Variants in UBE2U observed in about 807,000 individuals in gnomAD.
UBE2U encodes ubiquitin-conjugating enzyme E2 U.
Under a neutral mutation model 41.2 loss-of-function variants are expected in UBE2U, and 39 were observed. The observed-to-expected ratio is 0.95, with a 90% CI of 0.73 to 1.24. UBE2U has a LOEUF of 1.24. Ranked by LOEUF, UBE2U falls within the 50% of genes most tolerant of loss-of-function variation. The pLI, the probability that UBE2U is intolerant of heterozygous loss-of-function variation, is 0.00. For synonymous variants in UBE2U, 107 were observed against 117.8 expected (o/e 0.91, Z 0.60); for missense variants, 336 against 363.1 (o/e 0.93, Z 0.61).
At chr1:64,210,702 T>G in intron 3 of UBE2U, 40 bp from the exon 4 acceptor site, 1 of 1,251,088 alleles carries the variant, frequency 8.0e-7, no homozygotes, top group Non-Finnish European at 1.1e-6. Flanking sequence ...AAATAATAAT[T>G]TATTATAAAT....
At chr1:64,215,297 A>G (rs1651928231) in intron 5 of UBE2U, among the ~76,000 whole-genome samples, 1 of 152,338 alleles carries the variant, frequency 6.6e-6, no homozygotes, top group African/African-American at 2.4e-5. Flanking sequence ...AAACATTTAT[A>G]GCATAGTGAT....
intron 8 of UBE2U, among the ~76,000 whole-genome samples, chr1:64,247,643 A>G (rs1428367113): frequency 6.6e-6 from 1 of 152,074 alleles, no homozygotes; most frequent in Non-Finnish European, 1.5e-5. Context: ...GGCAAGAAGA[A>G]TGCTTGAAGC....
chr1:64,263,127 G>A (rs563330986), intron 9 of UBE2U, among the ~76,000 whole-genome samples: 12 of 152,304 alleles, frequency 7.9e-5, no homozygotes, highest in African/African-American at 2.2e-4. Context: ...GCGCTCCAGT[G>A]CTGAGCCTTG....
intron 8 of UBE2U, among the ~76,000 whole-genome samples, chr1:64,254,357 A>G (rs1645058793): frequency 6.6e-6 from 1 of 152,196 alleles, no homozygotes; most frequent in African/African-American, 2.4e-5. Context: ...TCATCAAGAC[A>G]GAAAAATAAC....
chr1:64,238,878 C>T lies in UBE2U; in HGVS notation c.596-2774C>T, dbSNP rs530672102. Among the ~76,000 whole-genome samples, 8 of 151,624 alleles carry T rather than the reference C, an allele frequency of 5.3e-5. No individual in the cohort carries two copies. In the South Asian group the frequency reaches 6.3e-4, roughly 12 times the overall value. ...GCAAAATAGGGAGACCCCATCTCTA[C>T]GAAAAAGTTAAAAATTAGCCAGGCA... On this transcript the variant is annotated intron_variant, in intron 7 of 9. Coordinates refer to ENST00000371077, the MANE Select transcript of UBE2U (RefSeq NM_001366232.2).
rs557906882 is a variant in UBE2U, at chr1:64,248,626, A to G, written c.677+6893A>G. ...TACTTCACAGTCATTTGATTTGCAT[A>G]TTTTAGTGACATTAAAAATTTTTGT... On this transcript the variant is annotated intron_variant, in intron 8 of 9. Coordinates refer to ENST00000371077, the MANE Select transcript of UBE2U (RefSeq NM_001366232.2). Among the ~76,000 whole-genome samples the G allele has an allele frequency of 1.7e-3, 251 of 150,588 alleles. 1 individual carries two copies. The highest frequency in any genetic ancestry group is 6.0e-3 in the African/African-American group (244 of 40,934).
intron 7 of UBE2U, among the ~76,000 whole-genome samples, chr1:64,235,088 G>A (rs1439847401): frequency 2.6e-5 from 4 of 152,148 alleles, no homozygotes; most frequent in African/African-American, 9.7e-5. Flanking sequence ...TAATTGTCTT[G>A]CAATAAAGAA....
At chr1:64,263,893 T>C (rs964129349) in intron 9 of UBE2U, among the ~76,000 whole-genome samples, 1 of 152,242 alleles carries the variant, frequency 6.6e-6, no homozygotes, top group Non-Finnish European at 1.5e-5. Context: ...TCATTGTTTT[T>C]GTCCCACTTT....
intron 3 of UBE2U, 114 bp from the exon 4 acceptor site, chr1:64,210,628 A>G (rs1277313036): frequency 1.5e-6 from 1 of 658,366 alleles, no homozygotes; most frequent in Non-Finnish European, 2.4e-6. Flanking sequence ...GAGAAGAACT[A>G]GGAAAAAGGA....
rs1194460168 is a variant in UBE2U, at chr1:64,205,697, G to A, written c.125G>A (p.Gly42Asp). The stretch of plus-strand genomic sequence containing the variant: ...ATGGAATGGGAAGTTGAAATTGAAG[G>A]TCTACAGAATTCAGTTTGGCAGGGT... ...DMMEWEVEIE[G>D]LQNSVWQGLV... is the part of the protein sequence containing the mutation. Residue 42 changes from glycine to aspartate, a missense_variant, in exon 2 of 10, where the codon GGT becomes GAT. By Grantham distance (94) the Gly-to-Asp change is moderately conservative. Coordinates refer to ENST00000371077, the MANE Select transcript of UBE2U (RefSeq NM_001366232.2). 2 of 1,613,124 alleles carry A rather than the reference G, an allele frequency of 1.2e-6. No homozygotes were observed. Among genetic ancestry groups the A allele is most frequent in the Non-Finnish European group, 1.7e-6 (2 of 1,179,474 alleles).
chr1:64,208,315 C>T (rs548696299), intron 3 of UBE2U, among the ~76,000 whole-genome samples: 16 of 152,050 alleles, frequency 1.1e-4, no homozygotes, highest in Non-Finnish European at 1.8e-4. Context: ...TATTTAAAGA[C>T]GTTTATTCCC....
At chr1:64,265,900 C>A (rs917624870) in intron 9 of UBE2U, among the ~76,000 whole-genome samples, 6 of 152,228 alleles carry the variant, frequency 3.9e-5, no homozygotes, top group African/African-American at 7.2e-5. Context: ...TTTCTATAAA[C>A]CAAAGACAGA....
intron 6 of UBE2U, among the ~76,000 whole-genome samples, chr1:64,224,564 A>G (rs1185916735): frequency 6.6e-6 from 1 of 152,120 alleles, no homozygotes; most frequent in Non-Finnish European, 1.5e-5. Context: ...CTCTACTAAA[A>G]ATACAAAAAT....
At chr1:64,254,810 C>A (rs1202671706) in intron 8 of UBE2U, among the ~76,000 whole-genome samples, 1 of 152,058 alleles carries the variant, frequency 6.6e-6, no homozygotes, top group Admixed American at 6.6e-5. Context: ...TAAATGCCCA[C>A]ATCAAAAAGC....
intron 8 of UBE2U, among the ~76,000 whole-genome samples, chr1:64,250,594 C>A (rs968066838): frequency 2.0e-5 from 3 of 152,130 alleles, no homozygotes; most frequent in Non-Finnish European, 4.4e-5. Context: ...AATCATGCTG[C>A]TATAAAGACA....
intron 7 of UBE2U, among the ~76,000 whole-genome samples, chr1:64,235,043 A>G (rs1049533640): frequency 6.6e-6 from 1 of 152,222 alleles, no homozygotes; most frequent in African/African-American, 2.4e-5. Flanking sequence ...AAAAAAAAAT[A>G]GAAGCATGTG....
At chr1:64,260,753 C>A in intron 9 of UBE2U, 59 bp downstream of exon 9, 2 of 1,327,220 alleles carry the variant, frequency 1.5e-6, no homozygotes, top group Non-Finnish European at 2.1e-6. Context: ...GCATAATATG[C>A]ATAACTTTAA....
intron 8 of UBE2U, among the ~76,000 whole-genome samples, chr1:64,245,556 G>A (rs1644906476): frequency 6.6e-6 from 1 of 152,142 alleles, no homozygotes; most frequent in Admixed American, 6.5e-5. Context: ...TACCGAGTAG[G>A]TATAGAGGGA....
chr1:64,235,109 A>G (rs916524887), intron 7 of UBE2U, among the ~76,000 whole-genome samples: 3 of 152,370 alleles, frequency 2.0e-5, no homozygotes, highest in East Asian at 1.9e-4. Flanking sequence ...TAATTAAAAA[A>G]TGGAAGGAAA....
Sources: allele counts gnomAD v4.1 joint callset (sites outside exome capture counted in the v4.1 genomes callset), GRCh38; gene constraint gnomAD v4.1.1; transcripts MANE v1.5; gene names NCBI Gene and HGNC (gene_info 2026-07-23, HGNC 2026-07-21).